The following SCN1A variants were observed in gnomAD, a reference collection of about 807,000 sequenced individuals.
The protein encoded by SCN1A is sodium voltage-gated channel alpha subunit 1.
Under a neutral mutation model 193.7 loss-of-function variants are expected in SCN1A, and 13 were observed. That is an observed-to-expected ratio of 0.07 (90% confidence interval 0.04 to 0.11). The LOEUF (loss-of-function observed/expected upper bound fraction) is 0.11. SCN1A is among the 10% of genes least tolerant of loss of function. The probability of loss-of-function intolerance (pLI) is 1.00; values close to 1 mark genes in which losing one functional copy is unlikely to be tolerated. For synonymous variants in SCN1A, 781 were observed against 843.6 expected, an observed-to-expected ratio of 0.93 and a Z score of 1.29; for missense variants, 1,432 against 2,451.1, an observed-to-expected ratio of 0.58 and a Z score of 8.78.
At chr2:166,038,180 T>G in intron 17 of SCN1A, 48 bp from the exon 18 acceptor site, 1 of 1,376,504 alleles carries the variant, frequency 7.3e-7, no homozygotes, top group Non-Finnish European at 1.0e-6. Flanking sequence ...TTAAAAGCAT[T>G]ATATATATTG....
intron 2 of SCN1A, among the ~76,000 whole-genome samples, chr2:166,120,573 G>C (rs1459909035): frequency 1.4e-5 from 2 of 143,974 alleles, no homozygotes; most frequent in African/African-American, 5.1e-5. Context: ...TGTGTATGTA[G>C]ACTGTTTTCT....
intron 1 of SCN1A, among the ~76,000 whole-genome samples, chr2:166,135,280 C>A (rs1330991709): frequency 6.6e-6 from 1 of 152,118 alleles, no homozygotes; most frequent in Non-Finnish European, 1.5e-5. Flanking sequence ...ATAAAGAGGA[C>A]TTTCTTTACT....
At chr2:166,125,589 CT>C (rs1309435926) in intron 2 of SCN1A, among the ~76,000 whole-genome samples, 1 of 152,158 alleles carries the variant, frequency 6.6e-6, no homozygotes, top group Non-Finnish European at 1.5e-5. Context: ...TCTGGATTCC[CT>C]GATAGTACCC....
intron 28 of SCN1A, 189 bp downstream of exon 28, chr2:165,993,957 A>T: frequency 1.7e-6 from 1 of 605,892 alleles, no homozygotes. Flanking sequence ...TTCTAAATGG[A>T]TAGAATAAGA....
intron 14 of SCN1A, 48 bp downstream of exon 14, chr2:166,043,621 G>A: frequency 6.4e-7 from 1 of 1,553,340 alleles, no homozygotes; most frequent in Non-Finnish European, 8.7e-7. Context: ...ACTGGCTGGT[G>A]CAGCAATAGT....
intron 4 of SCN1A, chr2:166,059,290 AG>A: frequency 6.6e-6 from 1 of 152,498 alleles, no homozygotes; most frequent in Non-Finnish European, 1.5e-5. Flanking sequence ...ATCCCTGGAG[AG>A]TACCCGTTGA....
chr2:166,037,746 C>T, intron 18 of SCN1A, 30 bp downstream of exon 18: 1 of 1,607,680 alleles, frequency 6.2e-7, no homozygotes, highest in South Asian at 1.1e-5. Context: ...TGGTGTATTT[C>T]CAAAATGCAT....
intron 13 of SCN1A, among the ~76,000 whole-genome samples, chr2:166,044,721 A>T (rs1697587032): frequency 6.6e-6 from 1 of 150,878 alleles, no homozygotes; most frequent in South Asian, 2.1e-4. Context: ...GGAGTTCCAC[A>T]TTTTTTTTTT....
intron 2 of SCN1A, among the ~76,000 whole-genome samples, chr2:166,124,245 T>G (rs929815468): frequency 6.6e-5 from 10 of 152,018 alleles, no homozygotes; most frequent in African/African-American, 2.4e-4. Flanking sequence ...AGAGCTTTTT[T>G]TTTTTTAATT....
Position 166,039,525 on chromosome 2 carries a change from T to A in SCN1A, c.2487A>T (p.Gln829His). The A allele has an allele frequency of 6.2e-7, 1 of 1,613,954 alleles. No individual in the cohort carries two copies. Among genetic ancestry groups the A allele is most frequent in the Non-Finnish European group, 8.5e-7 (1 of 1,179,890 alleles). The change falls in exon 17 of 29, where the codon CAA (glutamine) becomes CAT (histidine). Residue 829 changes from glutamine to histidine, a missense_variant. Coordinates refer to ENST00000674923, the MANE Select transcript of SCN1A (RefSeq NM_001165963.4). Reference protein sequence around the residue: ...IIAMDPYYYFQEGWNIFDGFI... With the variant: ...IIAMDPYYYFHEGWNIFDGFI... ...AACCGTCAAAGATATTCCAGCCTTC[T>A]TGGAAATAATAGTAAGGATCCATGG...
At chr2:166,050,635 A>ATATATATATATATATATG (rs1553548978) in intron 9 of SCN1A, among the ~76,000 whole-genome samples, 5 of 83,200 alleles carry the variant, frequency 6.0e-5, no homozygotes, top group Non-Finnish European at 9.1e-5. Context: ...ATATATATAT[A>ATATATATATATATATATG]TATGTGTGTA....
intron 19 of SCN1A, among the ~76,000 whole-genome samples, chr2:166,031,895 T>C (rs1695608320): frequency 1.3e-5 from 2 of 152,166 alleles, no homozygotes; most frequent in Non-Finnish European, 2.9e-5. Context: ...TGAAATTATA[T>C]AACCCAGTAT....
At chr2:166,053,001 G>A in intron 7 of SCN1A, 58 bp from the exon 8 acceptor site, 1 of 1,467,832 alleles carries the variant, frequency 6.8e-7, no homozygotes, top group Non-Finnish European at 9.5e-7. Context: ...AAAGCTGTAG[G>A]TACAAAGAGC....
chr2:166,113,028 GGAGGATTTATAGCT>G (rs1407096088), intron 2 of SCN1A, among the ~76,000 whole-genome samples: 3 of 152,144 alleles, frequency 2.0e-5, no homozygotes, highest in Non-Finnish European at 4.4e-5. Context: ...TTATTGAACT[GGAGGATTTATAGCT>G]GGTCAGTCAG....
intron 7 of SCN1A, among the ~76,000 whole-genome samples, chr2:166,053,692 G>A (rs1395331781): frequency 6.6e-6 from 1 of 151,830 alleles, no homozygotes; most frequent in Non-Finnish European, 1.5e-5. Context: ...ATTAAGACCA[G>A]ACATTCGGAG....
At chr2:166,019,827 T>A (rs1007216920) in intron 19 of SCN1A, among the ~76,000 whole-genome samples, 2 of 152,178 alleles carry the variant, frequency 1.3e-5, no homozygotes, top group Admixed American at 6.5e-5. Flanking sequence ...ATGGATGAAG[T>A]TTTTGTTTTC....
intron 3 of SCN1A, among the ~76,000 whole-genome samples, chr2:166,074,817 ATTAT>A (rs1684833141): frequency 6.6e-6 from 1 of 152,172 alleles, no homozygotes; most frequent in Non-Finnish European, 1.5e-5. Flanking sequence ...TGCAGGCATA[ATTAT>A]TTTGTGAGGG....
rs201604887 is a variant in SCN1A, at chr2:166,042,281, T to G, written c.2176+11A>C. The G allele has an allele frequency of 1.4e-4, 233 of 1,610,442 alleles. No homozygotes were observed. The highest frequency in any genetic ancestry group is 1.9e-4 in the Non-Finnish European group (229 of 1,178,212). Reference sequence around the variant, plus strand: ...AAAATAATTGAAACGAAAATAGAATTTGTTACCAACCTTCTACTGTATTTG... The same window carrying G: ...AAAATAATTGAAACGAAAATAGAATGTGTTACCAACCTTCTACTGTATTTG... On this transcript the variant is annotated intron_variant, in intron 15 of 28. Coordinates refer to ENST00000674923, the MANE Select transcript of SCN1A (RefSeq NM_001165963.4).
At chr2:166,134,783 T>C (rs1197948345) in intron 1 of SCN1A, among the ~76,000 whole-genome samples, 1 of 152,218 alleles carries the variant, frequency 6.6e-6, no homozygotes, top group Non-Finnish European at 1.5e-5. Context: ...ATCTGTCATA[T>C]GGGGAGACAA....
Sources: allele counts gnomAD v4.1 joint callset (sites outside exome capture counted in the v4.1 genomes callset), GRCh38; gene constraint gnomAD v4.1.1; transcripts MANE v1.5; gene names NCBI Gene and HGNC (gene_info 2026-07-23, HGNC 2026-07-21).